NEBL: variants seen among roughly 807,000 people sequenced by gnomAD.
NEBL encodes the protein nebulette, also known as LIM and SH3 protein 2.
A neutral mutation model predicts 140.2 loss-of-function variants in NEBL; 122 were observed. The ratio of observed to expected loss-of-function variants is 0.87; its 90% CI spans 0.75 to 1.01. NEBL has a LOEUF of 1.01. Ranked by LOEUF, NEBL falls within the 50% of genes least tolerant of loss-of-function variation. The pLI, the probability that NEBL is intolerant of heterozygous loss-of-function variation, is 0.00. For missense variants in NEBL, 1,365 were observed against 1,231.3 expected, an observed-to-expected ratio of 1.11 and a Z score of -1.62; for synonymous variants, 436 against 398.9, an observed-to-expected ratio of 1.09 and a Z score of -1.11.
intron 3 of NEBL, among the ~76,000 whole-genome samples, chr10:21,203,585 T>C (rs902507753): frequency 6.6e-6 from 1 of 152,106 alleles, no homozygotes; most frequent in African/African-American, 2.4e-5. Flanking sequence ...GGCCGAATGA[T>C]AAAGAAGAAT....
intron 3 of NEBL, among the ~76,000 whole-genome samples, chr10:21,218,799 A>G (rs1035612658): frequency 2.0e-5 from 3 of 152,280 alleles, no homozygotes; most frequent in Non-Finnish European, 2.9e-5. Context: ...TTTGGGCTTC[A>G]AGGGAAAATA....
chr10:20,817,723 T>C (rs775632608), intron 20 of NEBL, 31 bp from the exon 21 acceptor site: 3 of 1,495,832 alleles, frequency 2.0e-6, no homozygotes, highest in African/African-American at 1.4e-5. Context: ...CTTTAACAGA[T>C]AGCACAATGG....
chr10:20,954,896 T>C (rs1014696556), intron 4 of NEBL, among the ~76,000 whole-genome samples: 12 of 152,088 alleles, frequency 7.9e-5, no homozygotes, highest in African/African-American at 2.9e-4. Flanking sequence ...AATGGATGGG[T>C]TCAGATTGCA....
intron 2 of NEBL, among the ~76,000 whole-genome samples, chr10:21,024,885 T>C (rs890187853): frequency 1.3e-5 from 2 of 152,148 alleles, no homozygotes; most frequent in Admixed American, 6.5e-5. Flanking sequence ...GTGGTCCTCA[T>C]ACGATTATAG....
chr10:21,020,957 G>A (rs1838766905), intron 2 of NEBL, among the ~76,000 whole-genome samples: 2 of 152,120 alleles, frequency 1.3e-5, no homozygotes, highest in Admixed American at 1.3e-4. Context: ...AGATCCAATA[G>A]CATTTCCATT....
At chr10:20,846,451 CAT>C (rs1841954863) in intron 11 of NEBL, among the ~76,000 whole-genome samples, 1 of 152,136 alleles carries the variant, frequency 6.6e-6, no homozygotes, top group African/African-American at 2.4e-5. Context: ...TCACTTAGCA[CAT>C]GTGTTCCATA....
intron 3 of NEBL, among the ~76,000 whole-genome samples, chr10:20,976,203 T>C (rs1052846525): frequency 6.6e-6 from 1 of 151,690 alleles, no homozygotes; most frequent in African/African-American, 2.4e-5. Flanking sequence ...TAGCTGAGCA[T>C]GGTGGCGGGC....
chr10:21,078,314 T>C (rs1300522492), intron 2 of NEBL, among the ~76,000 whole-genome samples: 1 of 152,246 alleles, frequency 6.6e-6, no homozygotes, highest in Non-Finnish European at 1.5e-5. Context: ...GCCAGTAGAA[T>C]GTATTCTTTT....
intron 3 of NEBL, among the ~76,000 whole-genome samples, chr10:21,239,106 C>T (rs1445431790): frequency 6.6e-6 from 1 of 152,142 alleles, no homozygotes; most frequent in African/African-American, 2.4e-5. Flanking sequence ...GATAAAGCTA[C>T]ACAGCTTTAA....
At chr10:21,031,126 T>C (rs560830833) in intron 2 of NEBL, among the ~76,000 whole-genome samples, 2 of 152,320 alleles carry the variant, frequency 1.3e-5, no homozygotes, top group East Asian at 3.9e-4. Flanking sequence ...GTTAGCTTCA[T>C]TGAGGATGTC....
At position 20,904,864 on chromosome 10, in the gene NEBL, C is replaced by G. The variant is rs115223938; in HGVS notation, c.357+56808G>C. ...ACCGTATCAAGAGCCAGAAAGAGAG[C>G]AGGCTTGATCACTCTTGGCAATTCT... On this transcript the variant is annotated intron_variant, in intron 4 of 6. Coordinates refer to the NEBL transcript ENST00000417816. 4.2e-3 allele frequency among the ~76,000 whole-genome samples: 638 copies of G among 152,346 alleles called. 6 individuals carry two copies. The highest frequency in any genetic ancestry group is 0.015 in the African/African-American group (610 of 41,582).
At chr10:21,147,358 T>C (rs972694946) in intron 2 of NEBL, among the ~76,000 whole-genome samples, 3 of 150,924 alleles carry the variant, frequency 2.0e-5, no homozygotes, top group Admixed American at 1.3e-4. Flanking sequence ...CTCCCTTGTA[T>C]CTTTCTGGAA....
At chr10:21,228,539 TG>T in intron 3 of NEBL, among the ~76,000 whole-genome samples, 1 of 152,264 alleles carries the variant, frequency 6.6e-6, no homozygotes, top group South Asian at 2.1e-4. Context: ...ATCATCCACA[TG>T]GGTTGCTCTC....
At chr10:20,910,175 C>G (rs1239621667) in intron 4 of NEBL, among the ~76,000 whole-genome samples, 1 of 152,104 alleles carries the variant, frequency 6.6e-6, no homozygotes, top group East Asian at 1.9e-4. Flanking sequence ...TGAGGACATA[C>G]TTTTTTAAAA....
At chr10:21,238,847 T>C (rs1314705461) in intron 3 of NEBL, among the ~76,000 whole-genome samples, 2 of 152,052 alleles carry the variant, frequency 1.3e-5, no homozygotes, top group East Asian at 3.9e-4. Flanking sequence ...GTCTGACTAG[T>C]TACTTTTCAA....
chr10:21,066,407 TC>T (rs1158896420), intron 2 of NEBL, among the ~76,000 whole-genome samples: 1 of 152,246 alleles, frequency 6.6e-6, no homozygotes, highest in Non-Finnish European at 1.5e-5. Context: ...AAAATGTTTT[TC>T]ATGCTAATGA....
chr10:20,797,146 C>G (rs1447059465), intron 26 of NEBL, among the ~76,000 whole-genome samples: 2 of 152,172 alleles, frequency 1.3e-5, no homozygotes, highest in Non-Finnish European at 2.9e-5. Context: ...AGTCAGCTAA[C>G]AGCAAATCCC....
At chr10:21,237,997 A>G (rs1340263701) in intron 3 of NEBL, among the ~76,000 whole-genome samples, 1 of 152,202 alleles carries the variant, frequency 6.6e-6, no homozygotes, top group Non-Finnish European at 1.5e-5. Flanking sequence ...GAGCAAACAG[A>G]CTAAGTGTCT....
intron 13 of NEBL, among the ~76,000 whole-genome samples, chr10:20,836,809 A>G (rs1840936398): frequency 6.6e-6 from 1 of 151,982 alleles, no homozygotes; most frequent in African/African-American, 2.4e-5. Flanking sequence ...CTCACCCTTC[A>G]AACTCTCTGC....
Sources: gnomAD v4.1 joint callset for allele counts (sites outside exome capture counted in the v4.1 genomes callset) on GRCh38, gnomAD v4.1.1 for gene constraint, MANE v1.5 for transcripts, NCBI Gene and HGNC (gene_info 2026-07-23, HGNC 2026-07-21) for gene names.